Variants in CKB observed in about 807,000 individuals in gnomAD.
The protein encoded by CKB is creatine kinase B-type.
CKB carries 15 observed loss-of-function variants against 36.9 expected under a neutral mutation model. That is an observed-to-expected ratio of 0.41 (90% confidence interval 0.27 to 0.63). The LOEUF (loss-of-function observed/expected upper bound fraction) is 0.63, where lower values mean the gene tolerates loss of function less well. Among genes scored for constraint, CKB ranks in the 20% least tolerant of loss-of-function variants. The pLI is 0.34. For missense variants in CKB, 413 were observed against 534.9 expected, an observed-to-expected ratio of 0.77 and a Z score of 2.25; for synonymous variants, 250 against 228.2, an observed-to-expected ratio of 1.10 and a Z score of -0.86.
At position 103,520,615 on chromosome 14, in the gene CKB, G is replaced by C. The variant is rs760568631; in HGVS notation, c.654-23C>G. The C allele has an allele frequency of 3.7e-6, 6 of 1,603,640 alleles. No homozygotes were observed. The African/African-American group carries it at 8.0e-5, about 21-fold the overall frequency. On this transcript the variant is annotated intron_variant, in intron 5 of 7. Transcript: ENST00000348956. Reference sequence around the variant, plus strand: ...TGCCTGCGGGAGGGCTGGTCTCAGGGCATACCCAGAAAAAAGCCCCAGGCC... The same window carrying C: ...TGCCTGCGGGAGGGCTGGTCTCAGGCCATACCCAGAAAAAAGCCCCAGGCC...
At position 103,522,249 on chromosome 14, in the gene CKB, G is replaced by T; in HGVS notation, c.193+52C>A. 6.4e-7 allele frequency: 1 copy of T among 1,567,698 alleles called. No homozygotes were observed. Among genetic ancestry groups the T allele is most frequent in the Non-Finnish European group, 8.6e-7 (1 of 1,160,770 alleles). ...CCGAGCGCGCTGCTGAGGACCCTGC[G>T]GCTGCGCGGGGGGAGGGGGGGCCGG... On this transcript the variant is annotated intron_variant, in intron 2 of 7. Transcript: ENST00000348956. The surrounding 1 kb of genome is among the most constrained non-coding windows in gnomAD (Gnocchi z 6.7).
Position 103,519,757 on chromosome 14 carries a change from G to A in CKB, c.*107C>T. On this transcript the variant is annotated 3_prime_UTR_variant, in exon 8 of 8. Coordinates refer to ENST00000348956, the MANE Select transcript of CKB (RefSeq NM_001823.5). ...ACCAAGGGTGACGGAAGTCTCTACA[G>A]CAAGGCTAAGGGCTCGCCAGACGGC... is the stretch of plus-strand genomic sequence containing the variant. 1.5e-6 allele frequency: 2 copies of A among 1,307,880 alleles called. No homozygotes were observed. The highest frequency in any genetic ancestry group is 2.1e-6 in the Non-Finnish European group (2 of 960,024). The allele number at this position is 1,307,880 out of a possible 1,614,324, so 81.0% of individuals were successfully genotyped here. A position where few individuals can be genotyped will look rare whatever the true frequency, so the allele number is the denominator to read the frequency against.
In CKB at chr14:103,520,021, A is replaced by G; in HGVS notation, c.989T>C (p.Val330Ala). Reference protein sequence around the residue: ...RGTGGVDTAAVGGVFDVSNAD... With the variant: ...RGTGGVDTAAAGGVFDVSNAD... ...GTTGGAGACGTCGAAGACCCCGCCC[A>G]CCGCAGCCGTGTCCACACCGCCTGG... The change falls in exon 8 of 8, where the codon GTG becomes GCG. Residue 330 changes from valine to alanine, a missense_variant. By Grantham distance (64) the Val-to-Ala change is moderately conservative. Coordinates refer to ENST00000348956, the MANE Select transcript of CKB (RefSeq NM_001823.5). The G allele has an allele frequency of 6.2e-7, 1 of 1,610,156 alleles. No homozygotes were observed. Among genetic ancestry groups the G allele is most frequent in the Non-Finnish European group, 8.5e-7 (1 of 1,179,864 alleles).
Position 103,522,043 on chromosome 14 carries a change from G to C in CKB, c.328C>G (p.Leu110Val). The C allele has an allele frequency of 1.3e-6, 2 of 1,549,036 alleles. No homozygotes were observed. Among genetic ancestry groups the C allele is most frequent in the Non-Finnish European group, 1.7e-6 (2 of 1,146,736 alleles). The change falls in exon 3 of 8, where the codon CTC (leucine) becomes GTC (valine). Residue 110 changes from leucine to valine, a missense_variant. Leu to Val is a conservative substitution (Grantham distance 32, BLOSUM62 1). This residue lies in a region of CKB where 314 missense variants were observed against 409.4 expected (regional missense o/e 0.77). Coordinates refer to ENST00000348956, the MANE Select transcript of CKB (RefSeq NM_001823.5). This position sits in a 1 kb window ranked among gnomAD's most constrained non-coding sequence, Gnocchi z 6.7. The stretch of plus-strand genomic sequence containing the variant: ...CGCACCTGCAGGTTGTCGGGGTTGA[G>C]GTCGGTCTTGTGCTCATCGCTGGGC... ...YKPSDEHKTD[L>V]NPDNLQGGDD...
At position 103,519,965 on chromosome 14, in the gene CKB, G is replaced by C. The variant is rs1184445277; in HGVS notation, c.1045C>G (p.Leu349Val). 6 of 1,611,054 alleles carry C rather than the reference G, an allele frequency of 3.7e-6. No individual in the cohort carries two copies. Among genetic ancestry groups the C allele is most frequent in the African/African-American group, 1.3e-5 (1 of 74,942 alleles). The change falls in exon 8 of 8, where the codon CTG (leucine) becomes GTG (valine). Residue 349 changes from leucine to valine, a missense_variant. Coordinates refer to ENST00000348956, the MANE Select transcript of CKB (RefSeq NM_001823.5). ...ACTCCGTCCACCACCATCTGCACCA[G>C]CTCCACCTCTGAGAAGCCCAGGCGG... is the stretch of plus-strand genomic sequence containing the variant. ...ADRLGFSEVE[L>V]VQMVVDGVKL... is the part of the protein sequence containing the mutation.
At position 103,520,190 on chromosome 14, in the gene CKB, G is replaced by A. The variant is rs764629320; in HGVS notation, c.899C>T (p.Pro300Leu). 5.6e-6 allele frequency: 9 copies of A among 1,613,176 alleles called. No individual in the cohort carries two copies. In the East Asian group the frequency reaches 1.6e-4, roughly 28 times the overall value. The change falls in exon 7 of 8, where the codon CCC (proline) becomes CTC (leucine). Residue 300 changes from proline (P) to leucine (L), a missense_variant. Around this residue, in one of 3 missense-constraint regions of CKB, gnomAD observed 314 missense variants for 409.4 expected, o/e 0.77. Transcript: ENST00000348956. ...GLRAGVHIKL[P>L]NLGKHEKFSE... The stretch of plus-strand genomic sequence containing the variant: ...GAACTTCTCATGCTTGCCCAGGTTG[G>A]GCAGCTTGATATGCACACCTGCCCG...
Position 103,522,270 on chromosome 14 carries a change from G to A in CKB, c.193+31C>T, listed in dbSNP as rs748349526. On this transcript the variant is annotated intron_variant, in intron 2 of 7. Coordinates refer to ENST00000348956, the MANE Select transcript of CKB (RefSeq NM_001823.5). The surrounding 1 kb of genome is among the most constrained non-coding windows in gnomAD (Gnocchi z 6.7). ...CTGCGGCTGCGCGGGGGGAGGGGGG[G>A]CCGGGACCCCGGCCCCGAGGGGTCG... 1.3e-5 allele frequency: 21 copies of A among 1,566,324 alleles called. No homozygotes were observed. The Middle Eastern group carries it at 5.4e-4, about 41-fold the overall frequency.
intron 4 of CKB, 28 bp downstream of exon 4, chr14:103,521,790 G>GC: frequency 7.3e-7 from 1 of 1,364,354 alleles, no homozygotes; most frequent in African/African-American, 1.5e-5. Context: ...CGCGGCCGCC[G>GC]CCGCCCCTCG....
chr14:103,522,290 G>C lies in CKB; in HGVS notation c.193+11C>G, dbSNP rs1246535779. On this transcript the variant is annotated intron_variant, in intron 2 of 7. Transcript: ENST00000348956. This position sits in a 1 kb window ranked among gnomAD's most constrained non-coding sequence, Gnocchi z 6.7. Reference sequence around the variant, plus strand: ...GGGGGGCCGGGACCCCGGCCCCGAGGGGTCGCGTACCCGGGTTGTCCACGC... The same window carrying C: ...GGGGGGCCGGGACCCCGGCCCCGAGCGGTCGCGTACCCGGGTTGTCCACGC... 6.3e-7 allele frequency: 1 copy of C among 1,599,912 alleles called. No individual in the cohort carries two copies. The highest frequency in any genetic ancestry group is 1.7e-5 in the Admixed American group (1 of 58,830).
chr14:103,520,402 G>T (rs957222903), intron 6 of CKB, 67 bp downstream of exon 6: 9 of 1,587,068 alleles, frequency 5.7e-6, no homozygotes, highest in African/African-American at 2.7e-5. Context: ...CCCCCGGGGG[G>T]ACTGATGCTG....
chr14:103,521,822 C>A lies in CKB; in HGVS notation c.477G>T (p.Val159=). 6.7e-7 allele frequency: 1 copy of A among 1,488,782 alleles called. No homozygotes were observed. Among genetic ancestry groups the A allele is most frequent in the East Asian group, 2.8e-5 (1 of 36,226 alleles). The allele number at this position is 1,488,782 out of a possible 1,614,324, so 92.2% of individuals were successfully genotyped here. Residue 159 remains valine (V), a synonymous_variant, in exon 4 of 8, where the codon GTG becomes GTT. Transcript: ENST00000348956. The stretch of plus-strand genomic sequence containing the variant: ...CTCGGCCCGCCCGGCCCCTACCTTC[C>A]ACCGCGAGCTTCTCGATGGCGCGGC... ...GERRAIEKLA[V]EALSSLDGDL... is the part of the protein sequence containing the mutation.
At chr14:103,521,100 A>G in intron 5 of CKB, 163 bp downstream of exon 5, 1 of 883,782 alleles carries the variant, frequency 1.1e-6, no homozygotes, top group Non-Finnish European at 1.8e-6. Flanking sequence ...CCGGCGCAGG[A>G]GGAGGCGCGG....
At chr14:103,520,955 C>A (rs2142230142) in intron 5 of CKB, 1 of 553,066 alleles carries the variant, frequency 1.8e-6, no homozygotes, top group East Asian at 3.3e-5. Flanking sequence ...AGAGCTCCAG[C>A]TCCCAGGGCC....
At chr14:103,521,216 GTAGC>G (rs760338292) in intron 5 of CKB, 43 bp downstream of exon 5, 1 of 1,535,406 alleles carries the variant, frequency 6.5e-7, no homozygotes, top group African/African-American at 1.4e-5. Flanking sequence ...GAAAGCGGAG[GTAGC>G]GGGGAGGGAG....
chr14:103,520,671 C>G, intron 5 of CKB, 79 bp from the exon 6 acceptor site: 1 of 1,501,558 alleles, frequency 6.7e-7, no homozygotes, highest in Non-Finnish European at 8.9e-7. Flanking sequence ...TCCCAAGTCC[C>G]TGAGGTGCTG....
Position 103,521,397 on chromosome 14 carries a change from G to A in CKB, c.519C>T (p.Tyr173=). 3 of 1,606,406 alleles carry A rather than the reference G, an allele frequency of 1.9e-6. No individual in the cohort carries two copies. The highest frequency in any genetic ancestry group is 1.1e-5 in the South Asian group (1 of 90,802). The part of the protein sequence containing the change: ...SSLDGDLAGR[Y]YALKSMTEAE... ...CCTCCGTCATGCTCTTGAGCGCGTA[G>A]TATCGGCCCGCCAGGTCGCCGTCCA... The change falls in exon 5 of 8, where the codon TAC becomes TAT. Residue 173 remains tyrosine (Y), a synonymous_variant. Transcript: ENST00000348956.
At chr14:103,521,560 G>T in intron 4 of CKB, 126 bp from the exon 5 acceptor site, 1 of 1,040,012 alleles carries the variant, frequency 9.6e-7, no homozygotes. Context: ...GGATCTGCGG[G>T]CGTCCAGTCC....
At position 103,521,918 on chromosome 14, in the gene CKB, C is replaced by T. The variant is rs567115562; in HGVS notation, c.381G>A (p.Leu127=). 1.9e-6 allele frequency: 3 copies of T among 1,581,384 alleles called. No homozygotes were observed. The African/African-American group carries it at 4.0e-5, about 21-fold the overall frequency. Residue 127 remains leucine, a synonymous_variant, in exon 4 of 8, where the codon CTG becomes CTA. Transcript: ENST00000348956. The part of the protein sequence containing the change: ...GGDDLDPNYV[L]SSRVRTGRSI... Reference sequence around the variant, plus strand: ...TGCGGCCCGTGCGCACCCGCGAGCTCAGCACGTAGTTGGGGTCCAGGTCGT... The same window carrying T: ...TGCGGCCCGTGCGCACCCGCGAGCTTAGCACGTAGTTGGGGTCCAGGTCGT...
In CKB at chr14:103,520,749, G is replaced by A. The variant is rs115091365; in HGVS notation, c.654-157C>T. On this transcript the variant is annotated intron_variant, in intron 5 of 7. Transcript: ENST00000348956. ...ACCCGCCAACACGGGGCGGGCGGGG[G>A]AACCGGGACGCCTCACAGCAGGAGA... is the stretch of plus-strand genomic sequence containing the variant. The A allele has an allele frequency of 1.4e-3, 1,422 of 1,033,156 alleles. 19 individuals are homozygous for A. In the African/African-American group the frequency reaches 0.021, roughly 15 times the overall value. The allele number at this position is 1,033,156 out of a possible 1,614,324, so 64.0% of individuals were successfully genotyped here.
Sources: gnomAD v4.1 joint callset for allele counts on GRCh38, gnomAD v4.1.1 for gene constraint, gnomAD v4.1.1 regional missense constraint, Gnocchi (gnomAD v3.1) non-coding constraint, MANE v1.5 for transcripts, NCBI Gene and HGNC (gene_info 2026-07-23, HGNC 2026-07-21) for gene names.